The following CCNB2 variants were observed in gnomAD, a reference collection of about 807,000 sequenced individuals.
The protein encoded by CCNB2 is cyclin B2.
In CCNB2, 39 loss-of-function variants were observed where a neutral mutation model predicts 51.1. The ratio of observed to expected loss-of-function variants is 0.76; its 90% CI spans 0.59 to 1.00. The LOEUF (loss-of-function observed/expected upper bound fraction) is 1.00, where lower values mean the gene tolerates loss of function less well. CCNB2 is among the 50% of genes least tolerant of loss of function. The pLI, the probability that CCNB2 is intolerant of heterozygous loss-of-function variation, is 0.00. For synonymous variants in CCNB2, 174 were observed against 165.5 expected (o/e 1.05, Z -0.40); for missense variants, 472 against 470.3 (o/e 1.00, Z -0.03).
chr15:59,105,746 A>G (rs529207642), intron 1 of CCNB2, among the ~76,000 whole-genome samples: 11 of 152,320 alleles, frequency 7.2e-5, no homozygotes, highest in Admixed American at 3.9e-4. Flanking sequence ...AGTAAAGTGT[A>G]CGGCGTGTTT....
chr15:59,122,290 C>T (rs2079306331), intron 7 of CCNB2, among the ~76,000 whole-genome samples: 4 of 113,860 alleles, frequency 3.5e-5, no homozygotes, highest in South Asian at 5.5e-4. Context: ...TCTCTGTCAC[C>T]CAGACTGGAG....
chr15:59,114,482 A>C lies in CCNB2; in HGVS notation c.306A>C (p.Glu102Asp). 6.2e-7 allele frequency: 1 copy of C among 1,612,428 alleles called. No individual in the cohort carries two copies. Among genetic ancestry groups the C allele is most frequent in the Non-Finnish European group, 8.5e-7 (1 of 1,179,360 alleles). The change falls in exon 4 of 9, where the codon GAA becomes GAC. Residue 102 changes from glutamate to aspartate, a missense_variant. Glu to Asp is a conservative substitution (Grantham distance 45, BLOSUM62 2). Transcript: ENST00000288207. ...SPTPEDVSMKEENLCQAFSDA... is the reference protein window; with the variant it reads ...SPTPEDVSMKDENLCQAFSDA... ...CACCTGAGGATGTCTCCATGAAGGA[A>C]GAGAATCTCTGCCAAGCTTTTTCTG...
At chr15:59,109,778 A>G (rs1349752481) in intron 3 of CCNB2, among the ~76,000 whole-genome samples, 1 of 152,168 alleles carries the variant, frequency 6.6e-6, no homozygotes, top group African/African-American at 2.4e-5. Context: ...CGAGGTCAGG[A>G]GATCGAGACC....
At chr15:59,115,112 AAT>A (rs2079273799) in intron 5 of CCNB2, among the ~76,000 whole-genome samples, 1 of 152,204 alleles carries the variant, frequency 6.6e-6, no homozygotes, top group African/African-American at 2.4e-5. Context: ...ACTTGGGGGA[AAT>A]ATTGCATTGC....
At chr15:59,116,961 G>A (rs201265743) in intron 6 of CCNB2, 35 bp downstream of exon 6, 215 of 1,526,012 alleles carry the variant, frequency 1.4e-4, no homozygotes, top group African/African-American at 2.8e-5. Context: ...GACTATTTTT[G>A]CTTGGTGTCT....
rs189552499 is a variant in CCNB2, at chr15:59,109,037, G to A, written c.267+1367G>A. ...GGTTCCTCCCACATCGCAGGAGGGC[G>A]ATTTGGCAGTATATGTATATATTTT... On this transcript the variant is annotated intron_variant, in intron 3 of 8. Coordinates refer to ENST00000288207, the MANE Select transcript of CCNB2 (RefSeq NM_004701.4). 4.2e-3 allele frequency among the ~76,000 whole-genome samples: 645 copies of A among 152,232 alleles called. 17 individuals are homozygous for A. Among genetic ancestry groups the A allele is most frequent in the Non-Finnish European group, 1.4e-3 (96 of 68,002 alleles).
intron 7 of CCNB2, among the ~76,000 whole-genome samples, chr15:59,121,944 AAAAAAAAAAAAAAAAAAGG>A (rs1282118013): frequency 5.5e-5 from 8 of 146,344 alleles, no homozygotes; most frequent in African/African-American, 1.8e-4. Flanking sequence ...AAAAAAAAAA[AAAAAAAAAAAAAAAAAAGG>A]AGAAATTACC....
In CCNB2 at chr15:59,107,302, CTTT is replaced by C. The variant is rs11293095; in HGVS notation, c.25-6_25-4del. The C allele has an allele frequency of 7.6e-4, 1,048 of 1,382,372 alleles. No individual in the cohort carries two copies. The highest frequency in any genetic ancestry group is 1.7e-3 in the Admixed American group (71 of 41,558). 85.6% of individuals were successfully genotyped at this position (1,382,372 alleles called of 1,614,324 possible). ...TTCAAATTCTTTCAAGGTTTCATTACTTTTTTTTTTTTTTTTCAGGTGTCCAGT... is the reference window on the plus strand; with the variant it reads ...TTCAAATTCTTTCAAGGTTTCATTACTTTTTTTTTTTTTCAGGTGTCCAGT... On this transcript the variant is annotated splice_polypyrimidine_tract_variant and intron_variant, in intron 1 of 8. Transcript: ENST00000288207.
At position 59,124,964 on chromosome 15, in the gene CCNB2, T is replaced by C; in HGVS notation, c.*87T>C. 3 of 718,104 alleles carry C rather than the reference T, an allele frequency of 4.2e-6. No individual in the cohort carries two copies. Among genetic ancestry groups the C allele is most frequent in the Non-Finnish European group, 6.6e-6 (3 of 451,638 alleles). The allele number at this position is 718,104 out of a possible 1,614,324, so 44.5% of individuals were successfully genotyped here. Reference sequence around the variant, plus strand: ...CTTGATTTTGTACATAGTCCTCTGGTCTATCTCATGAAACCTCTTCTCAGA... The same window carrying C: ...CTTGATTTTGTACATAGTCCTCTGGCCTATCTCATGAAACCTCTTCTCAGA... On this transcript the variant is annotated 3_prime_UTR_variant, in exon 9 of 9. Coordinates refer to ENST00000288207, the MANE Select transcript of CCNB2 (RefSeq NM_004701.4).
In CCNB2 at chr15:59,114,628, T is replaced by G. The variant is rs201017479; in HGVS notation, c.438+14T>G. The G allele has an allele frequency of 1.6e-5, 25 of 1,585,556 alleles. No individual in the cohort carries two copies. Among genetic ancestry groups the G allele is most frequent in the Non-Finnish European group, 1.6e-5 (19 of 1,162,098 alleles). ...AGGCAGCTGGAGGTAGGTGGGCCTT[T>G]GTGTTTTGGTTGTATAAGCAATGTG... On this transcript the variant is annotated intron_variant, in intron 4 of 8. Coordinates refer to ENST00000288207, the MANE Select transcript of CCNB2 (RefSeq NM_004701.4).
At chr15:59,124,647 T>TGG in intron 8 of CCNB2, 120 bp from the exon 9 acceptor site, 1 of 733,886 alleles carries the variant, frequency 1.4e-6, no homozygotes, top group Non-Finnish European at 2.4e-6. Flanking sequence ...CTTCAGCGAT[T>TGG]GGGCATCATC....
intron 8 of CCNB2, 71 bp from the exon 9 acceptor site, chr15:59,124,687 TTGATAATTG>T: frequency 5.2e-6 from 5 of 966,804 alleles, no homozygotes; most frequent in Non-Finnish European, 8.3e-6. Context: ...CCGTGGACCT[TTGATAATTG>T]TGAGTTAGAC....
chr15:59,113,855 A>G (rs1442579758), intron 3 of CCNB2, among the ~76,000 whole-genome samples: 5 of 152,112 alleles, frequency 3.3e-5, no homozygotes, highest in Non-Finnish European at 7.4e-5. Flanking sequence ...GCGCACCATC[A>G]CGCCCAGCTA....
chr15:59,105,452 T>C (rs1403194179), intron 1 of CCNB2, among the ~76,000 whole-genome samples, 160 bp downstream of exon 1: 1 of 152,158 alleles, frequency 6.6e-6, no homozygotes, highest in African/African-American at 2.4e-5. Flanking sequence ...CTGCGGCCGG[T>C]CCTCTCCGGC....
intron 7 of CCNB2, among the ~76,000 whole-genome samples, chr15:59,117,890 C>G (rs549669113): frequency 1.3e-5 from 2 of 152,212 alleles, no homozygotes; most frequent in South Asian, 2.1e-4. Context: ...TGAGCCCAGG[C>G]CCAGGAGTTC....
chr15:59,120,792 G>C (rs933109510), intron 7 of CCNB2, among the ~76,000 whole-genome samples: 7 of 152,148 alleles, frequency 4.6e-5, no homozygotes, highest in South Asian at 2.1e-4. Flanking sequence ...TCATCCCATA[G>C]ATACTTATTA....
chr15:59,107,171 T>G, intron 1 of CCNB2, 151 bp from the exon 2 acceptor site: 1 of 677,316 alleles, frequency 1.5e-6, no homozygotes, highest in South Asian at 2.1e-5. Context: ...CAAATAGCAT[T>G]TTTAGACTTC....
At chr15:59,122,547 CT>C (rs748369646) in intron 7 of CCNB2, among the ~76,000 whole-genome samples, 12 of 104,482 alleles carry the variant, frequency 1.1e-4, no homozygotes, top group South Asian at 3.2e-4. Context: ...CTTTTTTTTT[CT>C]TTTTTTTTTG....
chr15:59,113,489 CAG>C (rs2079266309), intron 3 of CCNB2, among the ~76,000 whole-genome samples: 1 of 151,796 alleles, frequency 6.6e-6, no homozygotes, highest in Non-Finnish European at 1.5e-5. Flanking sequence ...CAGAGGTAGA[CAG>C]AAAATAATAC....
Sources: allele counts gnomAD v4.1 joint callset (sites outside exome capture counted in the v4.1 genomes callset), GRCh38; gene constraint gnomAD v4.1.1; transcripts MANE v1.5; gene names NCBI Gene and HGNC (gene_info 2026-07-23, HGNC 2026-07-21).